The following MYH13 variants were observed in gnomAD, a reference collection of about 807,000 sequenced individuals.
MYH13 encodes myosin heavy chain 13, also known as myosin-13.
MYH13 carries 177 observed loss-of-function variants against 232.1 expected under a neutral mutation model. The observed-to-expected ratio is 0.76, with a 90% CI of 0.67 to 0.86. MYH13 has a LOEUF of 0.86. Ranked by LOEUF, MYH13 falls within the 40% of genes least tolerant of loss-of-function variation. MYH13 has a pLI of 0.00. For missense variants in MYH13, 2,246 were observed against 2,405.9 expected (o/e 0.93, Z 1.39); for synonymous variants, 884 against 923.5 (o/e 0.96, Z 0.78).
chr17:10,357,594 AG>A, intron 8 of MYH13, 140 bp downstream of exon 8: 1 of 689,770 alleles, frequency 1.4e-6, no homozygotes, highest in South Asian at 2.1e-5. Flanking sequence ...ACAATATTCC[AG>A]GTGGGTAGAT....
chr17:10,306,800 A>G lies in MYH13; in HGVS notation c.5295+139T>C. The G allele has an allele frequency of 6.5e-7, 1 of 1,532,694 alleles. No homozygotes were observed. Among genetic ancestry groups the G allele is most frequent in the Non-Finnish European group, 8.8e-7 (1 of 1,140,094 alleles). 94.9% of individuals were successfully genotyped at this position (1,532,694 alleles called of 1,614,324 possible). ...CCCACTTTGCCACTGCTGAGACTGT[A>G]CCTCATTACATCTGTCTGGGAAGCC... On this transcript the variant is annotated intron_variant, in intron 36 of 40. Transcript: ENST00000252172. This position sits in a 1 kb window ranked among gnomAD's most constrained non-coding sequence, Gnocchi z 4.3.
At position 10,306,030 on chromosome 17, in the gene MYH13, T is replaced by C. The variant is rs9907053; in HGVS notation, c.5466+429A>G. On this transcript the variant is annotated intron_variant, in intron 37 of 40. Coordinates refer to ENST00000252172, the MANE Select transcript of MYH13 (RefSeq NM_003802.3). This position sits in a 1 kb window ranked among gnomAD's most constrained non-coding sequence, Gnocchi z 4.3. ...ACTGCAGATTTTATGTAGGATGGGC[T>C]GTGTTGATCAAAGTGAAGCTTGGTC... Among the ~76,000 whole-genome samples the C allele has an allele frequency of 0.9, 136,682 of 152,184 alleles. 61,422 individuals carry two copies. The highest frequency in any genetic ancestry group is 0.92 in the African/African-American group (38,298 of 41,526).
intron 27 of MYH13, 143 bp from the exon 28 acceptor site, chr17:10,316,168 A>C: frequency 1.7e-6 from 2 of 1,163,416 alleles, no homozygotes; most frequent in Non-Finnish European, 2.4e-6. Context: ...AGTTTCAAAA[A>C]AATCATAATC....
Position 10,362,433 on chromosome 17 carries a change from G to T in MYH13, c.275C>A (p.Ala92Asp). The T allele has an allele frequency of 6.2e-7, 1 of 1,614,190 alleles. No homozygotes were observed. The highest frequency in any genetic ancestry group is 8.5e-7 in the Non-Finnish European group (1 of 1,180,034). ...AGGTTCATGCAGGTGAGTCATCATGGCCATGTCCTCGATCTTGTCAAATTT... is the reference window on the plus strand; with the variant it reads ...AGGTTCATGCAGGTGAGTCATCATGTCCATGTCCTCGATCTTGTCAAATTT... ...PPKFDKIEDMAMMTHLHEPAV... is the reference protein window; with the variant it reads ...PPKFDKIEDMDMMTHLHEPAV... Residue 92 changes from alanine to aspartate, a missense_variant, in exon 4 of 41, where the codon GCC becomes GAC. By Grantham distance (126) the Ala-to-Asp change is moderately radical. Coordinates refer to ENST00000252172, the MANE Select transcript of MYH13 (RefSeq NM_003802.3).
At position 10,357,792 on chromosome 17, in the gene MYH13, T is replaced by C. The variant is rs753772570; in HGVS notation, c.681A>G (p.Pro227=). Residue 227 remains proline (P), a synonymous_variant, in exon 8 of 41, where the codon CCA becomes CCG. Transcript: ENST00000252172. The part of the protein sequence containing the change: ...TLEDQIIQAN[P]LLEAFGNAKT... The stretch of plus-strand genomic sequence containing the variant: ...TGGCATTTCCAAAGGCCTCCAGCAG[T>C]GGGTTGGCCTGGATGATCTGATCCT... 1 of 1,613,786 alleles carries C rather than the reference T, an allele frequency of 6.2e-7. No individual in the cohort carries two copies. The highest frequency in any genetic ancestry group is 2.2e-5 in the East Asian group (1 of 44,884).
Position 10,312,616 on chromosome 17 carries a change from GGT to G in MYH13, c.4321_4322del (p.Thr1441ArgfsTer29). 5.0e-6 allele frequency: 8 copies of G among 1,613,340 alleles called. No homozygotes were observed. The highest frequency in any genetic ancestry group is 6.8e-6 in the Non-Finnish European group (8 of 1,179,690). ...DLMRDLERSHTACATLDKKQR... is the reference protein window; with the variant it reads ...DLMRDLERSHXACATLDKKQR... ...GCTTCTTGTCCAGTGTGGCACAGGC[GGT>G]GTGGGAGCGCTCCAGATCCCGCATC... On this transcript the variant is annotated frameshift_variant, in exon 31 of 41. Transcript: ENST00000252172. LOFTEE classifies it high-confidence loss of function.
chr17:10,349,611 A>G (rs2142263590), intron 12 of MYH13, among the ~76,000 whole-genome samples: 1 of 152,138 alleles, frequency 6.6e-6, no homozygotes, highest in East Asian at 1.9e-4. Flanking sequence ...CCTGGTGTAC[A>G]TGCCTTGTAT....
intron 8 of MYH13, among the ~76,000 whole-genome samples, chr17:10,355,709 C>T (rs2071743757): frequency 1.3e-5 from 2 of 152,126 alleles, no homozygotes; most frequent in Admixed American, 1.3e-4. Flanking sequence ...CTCCAGCTCT[C>T]TTCTTGGGAC....
At chr17:10,369,770 A>G (rs950779561) in intron 2 of MYH13, among the ~76,000 whole-genome samples, 1 of 152,212 alleles carries the variant, frequency 6.6e-6, no homozygotes, top group African/African-American at 2.4e-5. Context: ...ATGATGTTTG[A>G]GTTATCCCTC....
At chr17:10,362,606 CG>C in intron 3 of MYH13, 103 bp from the exon 4 acceptor site, 1 of 1,448,734 alleles carries the variant, frequency 6.9e-7, no homozygotes, top group Non-Finnish European at 9.6e-7. Context: ...GAGGAATTAC[CG>C]CATTGTGATG....
Position 10,330,615 on chromosome 17 carries a change from C to G in MYH13, c.2299-92G>C. 7 of 1,482,188 alleles carry G rather than the reference C, an allele frequency of 4.7e-6. No homozygotes were observed. In the South Asian group the frequency reaches 9.0e-5, roughly 19 times the overall value. The allele number at this position is 1,482,188 out of a possible 1,614,324, so 91.8% of individuals were successfully genotyped here. On this transcript the variant is annotated intron_variant, in intron 20 of 40. Transcript: ENST00000252172. ...GGCCTGTTTCTGCTCAACTCTGAGG[C>G]TCAACTCTCAGAGCACGGCAGGGGC...
rs771473458 is a variant in MYH13 at position 10,309,266 on chromosome 17, C to T, written c.5137G>A (p.Ala1713Thr). 6.2e-7 allele frequency: 1 copy of T among 1,613,592 alleles called. No homozygotes were observed. Among genetic ancestry groups the T allele is most frequent in the Non-Finnish European group, 8.5e-7 (1 of 1,179,792 alleles). Reference protein sequence around the residue: ...RRLSEQELLDASDRVQLLHSQ... With the variant: ...RRLSEQELLDTSDRVQLLHSQ... Reference sequence around the variant, plus strand: ...TGCAGGAGCTGCACGCGGTCGCTGGCGTCCAGCAGCTCCTGCTCTGACAGC... The same window carrying T: ...TGCAGGAGCTGCACGCGGTCGCTGGTGTCCAGCAGCTCCTGCTCTGACAGC... The change falls in exon 35 of 41, where the codon GCC becomes ACC. Residue 1713 changes from alanine to threonine, a missense_variant. Physicochemically the swap from Ala to Thr is moderately conservative, Grantham distance 58. Coordinates refer to ENST00000252172, the MANE Select transcript of MYH13 (RefSeq NM_003802.3).
chr17:10,322,586 T>A (rs1390416115), intron 23 of MYH13, among the ~76,000 whole-genome samples: 1 of 151,722 alleles, frequency 6.6e-6, no homozygotes, highest in Admixed American at 6.6e-5. Flanking sequence ...TTTTCTTTAG[T>A]CCACATAGTG....
intron 23 of MYH13, among the ~76,000 whole-genome samples, chr17:10,322,293 G>A (rs553404915): frequency 6.6e-6 from 1 of 152,230 alleles, no homozygotes; most frequent in African/African-American, 2.4e-5. Context: ...AGCTACTCAG[G>A]AGGCTGAAAC....
chr17:10,309,295 C>A lies in MYH13; in HGVS notation c.5108G>T (p.Arg1703Leu), dbSNP rs142532419. 6.3e-5 allele frequency: 101 copies of A among 1,613,804 alleles called. No individual in the cohort carries two copies. The highest frequency in any genetic ancestry group is 8.0e-5 in the Non-Finnish European group (94 of 1,179,862). ...KVALEQTERTRRLSEQELLDA... is the reference protein window; with the variant it reads ...KVALEQTERTLRLSEQELLDA... ...CAGCAGCTCCTGCTCTGACAGCCTGCGGGTCCGCTCCGTCTGTTCCAGGGC... is the reference window on the plus strand; with the variant it reads ...CAGCAGCTCCTGCTCTGACAGCCTGAGGGTCCGCTCCGTCTGTTCCAGGGC... The change falls in exon 35 of 41, where the codon CGC (arginine) becomes CTC (leucine). Residue 1703 changes from arginine (R) to leucine (L), a missense_variant. By Grantham distance (102) the Arg-to-Leu change is moderately radical. Coordinates refer to ENST00000252172, the MANE Select transcript of MYH13 (RefSeq NM_003802.3).
rs1396069386 is a variant in MYH13, at chr17:10,362,240, G to T, written c.383C>A (p.Pro128His). 1 of 1,613,606 alleles carries T rather than the reference G, an allele frequency of 6.2e-7. No homozygotes were observed. Among genetic ancestry groups the T allele is most frequent in the East Asian group, 2.2e-5 (1 of 44,892 alleles). Residue 128 changes from proline to histidine, a missense_variant, in exon 5 of 41, where the codon CCC (proline) becomes CAC (histidine). Pro to His is a moderately conservative substitution (Grantham distance 77). Coordinates refer to ENST00000252172, the MANE Select transcript of MYH13 (RefSeq NM_003802.3). The part of the protein sequence containing the change: ...YSGLFCVTVN[P>H]YKWLPVYKPE... ...CTTGTACACCGGCAGCCACTTGTAG[G>T]GGTTGACGGTGACACAGAAGAGGCC...
intron 1 of MYH13, among the ~76,000 whole-genome samples, chr17:10,372,130 C>T (rs1031380240): frequency 1.3e-5 from 2 of 152,094 alleles, no homozygotes; most frequent in African/African-American, 4.8e-5. Context: ...TAAATAATCT[C>T]CAGTTATATC....
intron 26 of MYH13, among the ~76,000 whole-genome samples, chr17:10,319,795 C>T (rs1906866700): frequency 6.6e-6 from 1 of 152,060 alleles, no homozygotes; most frequent in Non-Finnish European, 1.5e-5. Flanking sequence ...TTTGGGGAGT[C>T]TTAAATGTGT....
At chr17:10,331,136 C>A (rs1907396767) in intron 20 of MYH13, among the ~76,000 whole-genome samples, 1 of 152,216 alleles carries the variant, frequency 6.6e-6, no homozygotes, top group South Asian at 2.1e-4. Flanking sequence ...AAAGATGAGT[C>A]CAGAAAGAAA....
Sources: gnomAD v4.1 joint callset for allele counts (sites outside exome capture counted in the v4.1 genomes callset) on GRCh38, gnomAD v4.1.1 for gene constraint, Gnocchi (gnomAD v3.1) non-coding constraint, MANE v1.5 for transcripts, NCBI Gene and HGNC (gene_info 2026-07-23, HGNC 2026-07-21) for gene names.